MT1M: variants seen among roughly 807,000 people sequenced by gnomAD.
MT1M encodes the protein metallothionein-1M.
Under a neutral mutation model 8.5 loss-of-function variants are expected in MT1M, and 11 were observed. The ratio of observed to expected loss-of-function variants is 1.29; its 90% confidence interval spans 0.81 to 2.14. The LOEUF is 2.14. Among genes scored for constraint, MT1M ranks in the 30% most tolerant of loss-of-function variants. The pLI, the probability that MT1M is intolerant of heterozygous loss-of-function variation, is 0.00. For missense variants in MT1M, 84 were observed against 76.6 expected (o/e 1.10, Z -0.36); for synonymous variants, 28 against 30.0 (o/e 0.93, Z 0.22).
intron 1 of MT1M, among the ~76,000 whole-genome samples, chr16:56,633,013 C>T (rs768980803): frequency 5.3e-5 from 8 of 152,218 alleles, no homozygotes; most frequent in Non-Finnish European, 1.0e-4. Flanking sequence ...GCTGGCTGGG[C>T]CCCAGTGTTC....
At chr16:56,633,472 C>T in intron 2 of MT1M, 67 bp downstream of exon 2, 1 of 1,614,130 alleles carries the variant, frequency 6.2e-7, no homozygotes, top group Non-Finnish European at 8.5e-7. Context: ...CCAAGGCTGG[C>T]CCTGAGTGCA....
intron 1 of MT1M, among the ~76,000 whole-genome samples, 161 bp downstream of exon 1, chr16:56,632,920 C>A (rs1365986520): frequency 2.0e-5 from 3 of 152,202 alleles, no homozygotes; most frequent in Non-Finnish European, 2.9e-5. Flanking sequence ...GCACTGCCCT[C>A]CCTCCTGGGC....
In MT1M at chr16:56,632,854, C is replaced by T. The variant is rs1393130723; in HGVS notation, c.28+95C>T. On this transcript the variant is annotated intron_variant, in intron 1 of 2. Transcript: ENST00000379818. ...GAGGAGGTCGCATTTAAGTTCTGAG[C>T]GGAAGGGAATTCCTTTACTTCCTTA... is the stretch of plus-strand genomic sequence containing the variant. 14 of 1,494,182 alleles carry T rather than the reference C, an allele frequency of 9.4e-6. No individual in the cohort carries two copies. In the Admixed American group the frequency reaches 1.0e-4, roughly 11 times the overall value. 92.6% of individuals were successfully genotyped at this position (1,494,182 alleles called of 1,614,324 possible).
intron 1 of MT1M, 132 bp from the exon 2 acceptor site, chr16:56,633,208 G>A: frequency 1.4e-6 from 2 of 1,423,876 alleles, no homozygotes; most frequent in Admixed American, 1.8e-5. Flanking sequence ...GAGGACAGGG[G>A]CTTTCCCTGA....
rs373272280 is a variant in MT1M, at chr16:56,633,815, G to A, written c.159G>A (p.Thr53=). The part of the protein sequence containing the change: ...KCAHGCVCKG[T]LENCSCCA ...CCCACGGCTGTGTCTGCAAAGGGAC[G>A]TTGGAGAACTGCAGCTGCTGTGCCT... The change falls in exon 3 of 3, where the codon ACG becomes ACA. Residue 53 remains threonine, a synonymous_variant. Transcript: ENST00000379818. The A allele has an allele frequency of 5.1e-5, 83 of 1,614,058 alleles. 2 individuals carry two copies. The highest frequency in any genetic ancestry group is 3.5e-4 in the African/African-American group (26 of 74,936).
rs1359154203 is a variant in MT1M, at chr16:56,633,848, G to T, written c.*6G>T. 8.1e-6 allele frequency: 13 copies of T among 1,614,014 alleles called. No individual in the cohort carries two copies. The highest frequency in any genetic ancestry group is 1.0e-5 in the Non-Finnish European group (12 of 1,179,998). On this transcript the variant is annotated 3_prime_UTR_variant, in exon 3 of 3. Coordinates refer to ENST00000379818, the MANE Select transcript of MT1M (RefSeq NM_176870.3). ...ACTGCAGCTGCTGTGCCTGATGTGG[G>T]AACAGCTCTTCTCCCAGATGTTAAT...
Position 56,633,812 on chromosome 16 carries a change from G to A in MT1M, c.156G>A (p.Gly52=), listed in dbSNP as rs1960324324. Reference sequence around the variant, plus strand: ...GTGCCCACGGCTGTGTCTGCAAAGGGACGTTGGAGAACTGCAGCTGCTGTG... The same window carrying A: ...GTGCCCACGGCTGTGTCTGCAAAGGAACGTTGGAGAACTGCAGCTGCTGTG... ...AKCAHGCVCK[G]TLENCSCCA The change falls in exon 3 of 3, where the codon GGG becomes GGA. Residue 52 remains glycine (G), a synonymous_variant. Transcript: ENST00000379818. 4 of 1,614,106 alleles carry A rather than the reference G, an allele frequency of 2.5e-6. No individual in the cohort carries two copies. Among genetic ancestry groups the A allele is most frequent in the African/African-American group, 1.3e-5 (1 of 74,946 alleles).
chr16:56,633,337 C>A lies in MT1M; in HGVS notation c.29-3C>A. 6.2e-7 allele frequency: 1 copy of A among 1,614,232 alleles called. No homozygotes were observed. Among genetic ancestry groups the A allele is most frequent in the South Asian group, 1.1e-5 (1 of 91,092 alleles). The stretch of plus-strand genomic sequence containing the variant: ...GCCCACTGCGTTTTTCTCTTCCTTG[C>A]AGGTGTCTCCTGCGCCTGCACCGGC... On this transcript the variant is annotated splice_polypyrimidine_tract_variant and splice_region_variant and intron_variant, in intron 1 of 2. Coordinates refer to ENST00000379818, the MANE Select transcript of MT1M (RefSeq NM_176870.3).
At chr16:56,632,872 C>A in intron 1 of MT1M, 113 bp downstream of exon 1, 1 of 1,355,950 alleles carries the variant, frequency 7.4e-7, no homozygotes, top group South Asian at 1.2e-5. Flanking sequence ...AATTCCTTTA[C>A]TTCCTTAGGT....
chr16:56,633,408 G>A lies in MT1M; in HGVS notation c.94+3G>A. On this transcript the variant is annotated splice_donor_region_variant and intron_variant, in intron 2 of 2. Transcript: ENST00000379818. ...CAAATGCACCTCCTGCAAGAAGAGT[G>A]AGTGCGGGGCCATCTCCAGGAATCT... 6.2e-7 allele frequency: 1 copy of A among 1,614,272 alleles called. No individual in the cohort carries two copies. The highest frequency in any genetic ancestry group is 1.3e-5 in the African/African-American group (1 of 75,082).
rs1381123832 is a variant in MT1M at position 56,633,634 on chromosome 16, G to A, written c.95-117G>A. The A allele has an allele frequency of 1.1e-5, 17 of 1,600,326 alleles. No individual in the cohort carries two copies. The Admixed American group carries it at 2.5e-4, about 24-fold the overall frequency. On this transcript the variant is annotated intron_variant, in intron 2 of 2. Coordinates refer to ENST00000379818, the MANE Select transcript of MT1M (RefSeq NM_176870.3). ...ATCTATGGTTTCAGAACAGAGCTGT[G>A]CCAGACGTAAAAAGCTTCCTCTGGG... is the stretch of plus-strand genomic sequence containing the variant.
chr16:56,632,822 TG>T, intron 1 of MT1M, 63 bp downstream of exon 1: 1 of 1,604,244 alleles, frequency 6.2e-7, no homozygotes, highest in East Asian at 2.2e-5. Flanking sequence ...TGAGGGTCTC[TG>T]GGTTTGAGGA....
chr16:56,633,480 G>A, intron 2 of MT1M, 75 bp downstream of exon 2: 1 of 1,613,968 alleles, frequency 6.2e-7, no homozygotes, highest in Non-Finnish European at 8.5e-7. Flanking sequence ...GGCCCTGAGT[G>A]CATCCTTCTG....
At chr16:56,632,834 G>T in intron 1 of MT1M, 75 bp downstream of exon 1, 4 of 1,580,458 alleles carry the variant, frequency 2.5e-6, no homozygotes, top group Non-Finnish European at 3.5e-6. Context: ...GGTTTGAGGA[G>T]GTCGCATTTA....
rs750544665 is a variant in MT1M at position 56,632,697 on chromosome 16, A to C, written c.-35A>C. ...GGTGGGCCTAGCAGTCGCTCCATTT[A>C]TCGCTTGAGATCTCCAGCCTTACCG... On this transcript the variant is annotated 5_prime_UTR_variant, in exon 1 of 3. Coordinates refer to ENST00000379818, the MANE Select transcript of MT1M (RefSeq NM_176870.3). 1.2e-6 allele frequency: 2 copies of C among 1,612,868 alleles called. No individual in the cohort carries two copies. The highest frequency in any genetic ancestry group is 1.7e-6 in the Non-Finnish European group (2 of 1,179,944).
chr16:56,633,308 C>G (rs1960313596), intron 1 of MT1M, 32 bp from the exon 2 acceptor site: 1 of 1,614,026 alleles, frequency 6.2e-7, no homozygotes, highest in African/African-American at 1.3e-5. Context: ...TCATCTCACT[C>G]ACTGCCCACT....
intron 1 of MT1M, 126 bp downstream of exon 1, chr16:56,632,885 T>G: frequency 7.9e-7 from 1 of 1,262,410 alleles, no homozygotes. Context: ...CCTTAGGTGC[T>G]TTCTTCCTGA....
chr16:56,633,745 C>T lies in MT1M; in HGVS notation c.95-6C>T, dbSNP rs749561129. On this transcript the variant is annotated splice_polypyrimidine_tract_variant and splice_region_variant and intron_variant, in intron 2 of 2. Transcript: ENST00000379818. ...ACTGCTACCTCTCTCTCCCCTTCTT[C>T]CCCAGGCTGCTGCTCCTGCTGCCCC... 1 of 1,614,170 alleles carries T rather than the reference C, an allele frequency of 6.2e-7. No homozygotes were observed.
Position 56,633,859 on chromosome 16 carries a change from C to T in MT1M, c.*17C>T. 1 of 1,613,504 alleles carries T rather than the reference C, an allele frequency of 6.2e-7. No homozygotes were observed. The highest frequency in any genetic ancestry group is 8.5e-7 in the Non-Finnish European group (1 of 1,179,482). On this transcript the variant is annotated 3_prime_UTR_variant, in exon 3 of 3. Coordinates refer to ENST00000379818, the MANE Select transcript of MT1M (RefSeq NM_176870.3). The stretch of plus-strand genomic sequence containing the variant: ...TGTGCCTGATGTGGGAACAGCTCTT[C>T]TCCCAGATGTTAATAGAACAAGCTG...
Sources: allele counts gnomAD v4.1 joint callset (sites outside exome capture counted in the v4.1 genomes callset), GRCh38; gene constraint gnomAD v4.1.1; transcripts MANE v1.5; gene names NCBI Gene and HGNC (gene_info 2026-07-23, HGNC 2026-07-21).